The following HSF5 variants were observed in gnomAD, a reference collection of about 807,000 sequenced individuals.
HSF5 encodes the protein heat shock factor protein 5.
HSF5 carries 5 observed loss-of-function variants against 50.8 expected under a neutral mutation model. That is an observed-to-expected ratio of 0.10 (90% CI 0.05 to 0.21). The LOEUF (loss-of-function observed/expected upper bound fraction) is 0.21. Ranked by LOEUF, HSF5 falls within the 10% of genes least tolerant of loss-of-function variation. The pLI, the probability that HSF5 is intolerant of heterozygous loss-of-function variation, is 1.00. For missense variants in HSF5, 564 were observed against 762.6 expected (o/e 0.74, Z 3.07); for synonymous variants, 307 against 307.4 (o/e 1.00, Z 0.02).
In HSF5 at chr17:58,423,290, G is replaced by A. The variant is rs540589183; in HGVS notation, c.1721-860C>T. The stretch of plus-strand genomic sequence containing the variant: ...AAAAGAAAGCATGTCCTCACACAGT[G>A]GTTCATTAAGAATGAAAGAAGTAAA... On this transcript the variant is annotated intron_variant, in intron 5 of 5. Transcript: ENST00000323777. Among the ~76,000 whole-genome samples the A allele has an allele frequency of 3.6e-4, 54 of 151,840 alleles. 2 individuals carry two copies. In the South Asian group the frequency reaches 1.0e-2, roughly 28 times the overall value.
intron 1 of HSF5, 128 bp downstream of exon 1, chr17:58,487,597 C>G: frequency 7.8e-7 from 1 of 1,284,738 alleles, no homozygotes; most frequent in African/African-American, 1.6e-5. Context: ...GCACAGCGGC[C>G]AATGGGTCCC....
At chr17:58,459,001 TTAAGA>T in intron 4 of HSF5, 56 bp from the exon 5 acceptor site, 1 of 1,463,472 alleles carries the variant, frequency 6.8e-7, no homozygotes, top group Non-Finnish European at 9.3e-7. Flanking sequence ...CTGCTAAAAG[TTAAGA>T]TATTTTATCA....
chr17:58,448,784 T>A (rs1023446905), intron 5 of HSF5, among the ~76,000 whole-genome samples: 1 of 152,206 alleles, frequency 6.6e-6, no homozygotes, highest in Non-Finnish European at 1.5e-5. Flanking sequence ...AAAGTAAGCA[T>A]ACAGAGACAT....
chr17:58,460,756 G>T (rs966141438), intron 4 of HSF5, among the ~76,000 whole-genome samples: 1 of 151,450 alleles, frequency 6.6e-6, no homozygotes, highest in South Asian at 2.1e-4. Flanking sequence ...TGATCTGTCC[G>T]CCTCGGCCTC....
At chr17:58,433,430 G>C (rs962084824) in intron 5 of HSF5, among the ~76,000 whole-genome samples, 1 of 152,198 alleles carries the variant, frequency 6.6e-6, no homozygotes, top group Non-Finnish European at 1.5e-5. Flanking sequence ...AGAAGATTGA[G>C]ACTTAAGATA....
chr17:58,480,031 T>G lies in HSF5; in HGVS notation c.787A>C (p.Thr263Pro), dbSNP rs748987940. ...GGCTGCAGTGTATAGGTAACCTCAG[T>G]TGGAAACCTCTGGAGTACAGGAAAC... ...VPFPVLQRFPTEVTYTLQPST... is the reference protein window; with the variant it reads ...VPFPVLQRFPPEVTYTLQPST... The change falls in exon 2 of 6, where the codon ACT (threonine) becomes CCT (proline). Residue 263 changes from threonine to proline, a missense_variant. By Grantham distance (38) the Thr-to-Pro change is conservative. Around this residue, in one of 5 missense-constraint regions of HSF5, gnomAD observed 441 missense variants for 533.6 expected, o/e 0.83. Transcript: ENST00000323777. The G allele has an allele frequency of 4.3e-6, 7 of 1,613,934 alleles. No individual in the cohort carries two copies. The South Asian group carries it at 7.7e-5, about 18-fold the overall frequency.
chr17:58,459,722 G>C (rs979866428), intron 4 of HSF5, among the ~76,000 whole-genome samples: 39 of 151,228 alleles, frequency 2.6e-4, no homozygotes, highest in African/African-American at 9.0e-4. Context: ...CCTGGTCTCA[G>C]GGGATCTTTC....
At position 58,478,785 on chromosome 17, in the gene HSF5, C is replaced by T. The variant is rs1194672888; in HGVS notation, c.925+1108G>A. Among the ~76,000 whole-genome samples the T allele has an allele frequency of 2.0e-5, 3 of 149,558 alleles. No individual in the cohort carries two copies. In the Admixed American group the frequency reaches 2.0e-4, roughly 10 times the overall value. On this transcript the variant is annotated intron_variant, in intron 2 of 5. Coordinates refer to ENST00000323777, the MANE Select transcript of HSF5 (RefSeq NM_001080439.3). Reference sequence around the variant, plus strand: ...GGCTGAGGCAGGAGAATTGCTTGAACCCAGGAGGCGGAGGTTGCAGTGAGC... The same window carrying T: ...GGCTGAGGCAGGAGAATTGCTTGAATCCAGGAGGCGGAGGTTGCAGTGAGC...
chr17:58,447,670 G>A (rs886152800), intron 5 of HSF5, among the ~76,000 whole-genome samples: 4 of 152,168 alleles, frequency 2.6e-5, no homozygotes, highest in African/African-American at 9.7e-5. Context: ...GCGTACGTGG[G>A]CTTAGGGTGC....
intron 5 of HSF5, among the ~76,000 whole-genome samples, chr17:58,424,307 T>C (rs746663268): frequency 6.6e-6 from 1 of 152,172 alleles, no homozygotes; most frequent in Non-Finnish European, 1.5e-5. Flanking sequence ...GAATGTTATT[T>C]AGCCTTAAAA....
intron 4 of HSF5, among the ~76,000 whole-genome samples, chr17:58,461,402 G>T (rs1384896801): frequency 6.6e-6 from 1 of 151,490 alleles, no homozygotes; most frequent in East Asian, 1.9e-4. Context: ...GCTAAAAAAG[G>T]CTGCAAAAAA....
At chr17:58,452,583 G>A (rs1247029149) in intron 5 of HSF5, among the ~76,000 whole-genome samples, 2 of 152,260 alleles carry the variant, frequency 1.3e-5, no homozygotes. Flanking sequence ...GCTGAGGCAG[G>A]AGGATCACTT....
chr17:58,435,838 G>A (rs1974421027), intron 5 of HSF5, among the ~76,000 whole-genome samples: 1 of 144,718 alleles, frequency 6.9e-6, no homozygotes, highest in African/African-American at 2.6e-5. Flanking sequence ...GGTGGAGCTT[G>A]TAGTGAGCCA....
intron 5 of HSF5, among the ~76,000 whole-genome samples, chr17:58,443,768 C>T (rs2632524): frequency 0.12 from 18,175 of 152,124 alleles, 1,439 homozygotes; most frequent in Middle Eastern, 0.19. Context: ...CTTTTCCCTC[C>T]GGAGTATTAT....
chr17:58,458,798 T>C lies in HSF5; in HGVS notation c.1690A>G (p.Arg564Gly). 1 of 1,613,662 alleles carries C rather than the reference T, an allele frequency of 6.2e-7. No homozygotes were observed. Among genetic ancestry groups the C allele is most frequent in the Non-Finnish European group, 8.5e-7 (1 of 1,179,814 alleles). ...LATPARYREH[R>G]SNSQQGKSPD... ...GACTTTCCTTGTTGTGAGTTGCTTCTGTGCTCTCTGTATCTGGCTGGAGTG... is the reference window on the plus strand; with the variant it reads ...GACTTTCCTTGTTGTGAGTTGCTTCCGTGCTCTCTGTATCTGGCTGGAGTG... The change falls in exon 5 of 6, where the codon AGA becomes GGA. Residue 564 changes from arginine (R) to glycine (G), a missense_variant. This residue lies in a region of HSF5 where 441 missense variants were observed against 533.6 expected (regional missense o/e 0.83). Transcript: ENST00000323777.
chr17:58,442,323 A>T lies in HSF5; in HGVS notation c.1720+16445T>A, dbSNP rs1182502664. On this transcript the variant is annotated intron_variant, in intron 5 of 5. Coordinates refer to ENST00000323777, the MANE Select transcript of HSF5 (RefSeq NM_001080439.3). ...CAAAGTCAAAGAGTTGTAAACATAC[A>T]GGATGTATATAACTTTTCACCTTAT... Among the ~76,000 whole-genome samples the T allele has an allele frequency of 2.0e-5, 3 of 152,256 alleles. No individual in the cohort carries two copies. The East Asian group carries it at 5.8e-4, about 29-fold the overall frequency.
At chr17:58,445,479 A>C (rs967085155) in intron 5 of HSF5, among the ~76,000 whole-genome samples, 2 of 152,256 alleles carry the variant, frequency 1.3e-5, no homozygotes, top group Admixed American at 6.5e-5. Context: ...CACAATAGTC[A>C]AGGGATGGAA....
At chr17:58,478,405 AG>A (rs1400991211) in intron 2 of HSF5, among the ~76,000 whole-genome samples, 3 of 147,420 alleles carry the variant, frequency 2.0e-5, no homozygotes, top group African/African-American at 7.5e-5. Context: ...GGAACCAAGG[AG>A]GTGGAGGTTG....
chr17:58,438,154 A>T (rs190862607), intron 5 of HSF5, among the ~76,000 whole-genome samples: 83 of 152,270 alleles, frequency 5.5e-4, no homozygotes, highest in African/African-American at 1.9e-3. Flanking sequence ...GACCATATAG[A>T]TGATGATGAT....
Sources: allele counts gnomAD v4.1 joint callset (sites outside exome capture counted in the v4.1 genomes callset), GRCh38; gene constraint gnomAD v4.1.1; regional missense constraint gnomAD v4.1.1; transcripts MANE v1.5; gene names NCBI Gene and HGNC (gene_info 2026-07-23, HGNC 2026-07-21).